Variants in HS6ST3 observed in about 807,000 individuals in gnomAD.
The protein encoded by HS6ST3 is heparan sulfate 6-O-sulfotransferase 3.
Under a neutral mutation model 36.7 loss-of-function variants are expected in HS6ST3, and 12 were observed. The ratio of observed to expected loss-of-function variants is 0.33; its 90% CI spans 0.21 to 0.53. HS6ST3 has a LOEUF of 0.53. Among genes scored for constraint, HS6ST3 ranks in the 20% least tolerant of loss-of-function variants. HS6ST3 has a pLI of 0.95. For missense variants in HS6ST3, 584 were observed against 640.9 expected, an observed-to-expected ratio of 0.91 and a Z score of 0.96; for synonymous variants, 240 against 257.5, an observed-to-expected ratio of 0.93 and a Z score of 0.65.
At chr13:96,339,204 A>G (rs1257688343) in intron 1 of HS6ST3, among the ~76,000 whole-genome samples, 3 of 152,246 alleles carry the variant, frequency 2.0e-5, no homozygotes, top group Non-Finnish European at 2.9e-5. Flanking sequence ...AATGACACAC[A>G]AGAACAATTA....
In HS6ST3 at chr13:96,767,568, A is replaced by G. The variant is rs552305467; in HGVS notation, c.708-64922A>G. Among the ~76,000 whole-genome samples the G allele has an allele frequency of 4.6e-5, 7 of 152,342 alleles. No homozygotes were observed. The South Asian group carries it at 6.2e-4, about 14-fold the overall frequency. ...TGTACACAGCTTCCATGGTAATTTC[A>G]TAAACTCTTGAATTGCAACCCTGAA... On this transcript the variant is annotated intron_variant, in intron 1 of 1. Transcript: ENST00000376705.
intron 1 of HS6ST3, among the ~76,000 whole-genome samples, chr13:96,693,183 CTGTTTTTAATAAAAA>C (rs1231622725): frequency 1.3e-4 from 20 of 152,256 alleles, no homozygotes; most frequent in Middle Eastern, 3.4e-3. Flanking sequence ...CCTGTTTCAC[CTGTTTTTAATAAAAA>C]CATAGAAACA....
intron 1 of HS6ST3, among the ~76,000 whole-genome samples, chr13:96,554,667 A>G (rs936039414): frequency 3.9e-5 from 6 of 151,998 alleles, no homozygotes; most frequent in Admixed American, 3.3e-4. Flanking sequence ...AGAAGCCCAC[A>G]CCTTCCTCCA....
intron 1 of HS6ST3, among the ~76,000 whole-genome samples, chr13:96,526,511 A>G (rs941208358): frequency 1.3e-5 from 2 of 152,188 alleles, no homozygotes; most frequent in African/African-American, 4.8e-5. Flanking sequence ...AGGAGGTATC[A>G]GTGAAGATTC....
chr13:96,362,535 T>G (rs892077512), intron 1 of HS6ST3, among the ~76,000 whole-genome samples: 1 of 152,180 alleles, frequency 6.6e-6, no homozygotes, highest in African/African-American at 2.4e-5. Flanking sequence ...AAATCAGGCT[T>G]CTTCTACTTT....
intron 1 of HS6ST3, among the ~76,000 whole-genome samples, chr13:96,277,968 C>G (rs1413842060): frequency 6.6e-6 from 1 of 152,120 alleles, no homozygotes; most frequent in Non-Finnish European, 1.5e-5. Context: ...AGTGCATGAG[C>G]TAATTCTGAC....
At chr13:96,652,291 T>C in intron 1 of HS6ST3, among the ~76,000 whole-genome samples, 1 of 152,018 alleles carries the variant, frequency 6.6e-6, no homozygotes, top group Non-Finnish European at 1.5e-5. Context: ...CACATATGAA[T>C]GTGTTTTTTA....
At chr13:96,795,893 G>T (rs755474569) in intron 1 of HS6ST3, among the ~76,000 whole-genome samples, 1 of 152,104 alleles carries the variant, frequency 6.6e-6, no homozygotes, top group African/African-American at 2.4e-5. Flanking sequence ...AGATGAAGCC[G>T]AGTGGCCCAG....
chr13:96,157,748 A>G (rs1373541322), intron 1 of HS6ST3, among the ~76,000 whole-genome samples: 4 of 152,252 alleles, frequency 2.6e-5, no homozygotes, highest in Non-Finnish European at 5.9e-5. Context: ...GTGGTTTTAC[A>G]TAATGAATGA....
At chr13:96,262,838 T>C (rs2054673146) in intron 1 of HS6ST3, among the ~76,000 whole-genome samples, 1 of 152,144 alleles carries the variant, frequency 6.6e-6, no homozygotes, top group African/African-American at 2.4e-5. Flanking sequence ...TTTTTTTATT[T>C]TGTGTGACTT....
In HS6ST3 at chr13:96,503,014, T is replaced by C. The variant is rs193249717; in HGVS notation, c.708-329476T>C. Among the ~76,000 whole-genome samples, 157 of 152,276 alleles carry C rather than the reference T, an allele frequency of 1.0e-3. No individual in the cohort carries two copies. In the Middle Eastern group the frequency reaches 0.014, roughly 13 times the overall value. ...ACTGGAGTGTAACTTCAATAAATCATACACAGCAGATTCACTGTCTATGCT... is the reference window on the plus strand; with the variant it reads ...ACTGGAGTGTAACTTCAATAAATCACACACAGCAGATTCACTGTCTATGCT... On this transcript the variant is annotated intron_variant, in intron 1 of 1. Transcript: ENST00000376705.
At chr13:96,245,636 A>G (rs1048173349) in intron 1 of HS6ST3, among the ~76,000 whole-genome samples, 1 of 152,144 alleles carries the variant, frequency 6.6e-6, no homozygotes, top group Admixed American at 6.5e-5. Flanking sequence ...GACTGCCTTT[A>G]GAGCCATTTC....
intron 1 of HS6ST3, among the ~76,000 whole-genome samples, chr13:96,813,497 T>G (rs1048564300): frequency 6.6e-6 from 1 of 152,206 alleles, no homozygotes; most frequent in Non-Finnish European, 1.5e-5. Flanking sequence ...CATGTATTTG[T>G]TACTCAGTGA....
intron 1 of HS6ST3, among the ~76,000 whole-genome samples, chr13:96,570,994 A>G (rs942337498): frequency 1.3e-5 from 2 of 152,162 alleles, no homozygotes; most frequent in Non-Finnish European, 2.9e-5. Flanking sequence ...GCCAGAAAAG[A>G]TTATTCATAG....
At chr13:96,429,553 C>G (rs567402430) in intron 1 of HS6ST3, among the ~76,000 whole-genome samples, 1 of 152,298 alleles carries the variant, frequency 6.6e-6, no homozygotes, top group East Asian at 1.9e-4. Flanking sequence ...CAGCTACTTT[C>G]TTCCCTGTAT....
intron 1 of HS6ST3, among the ~76,000 whole-genome samples, chr13:96,725,418 G>A (rs1172679085): frequency 6.6e-6 from 1 of 152,036 alleles, no homozygotes; most frequent in Non-Finnish European, 1.5e-5. Flanking sequence ...TGTAATTTTG[G>A]TGTCATATCT....
chr13:96,614,319 A>T (rs1031824994), intron 1 of HS6ST3, among the ~76,000 whole-genome samples: 90 of 148,826 alleles, frequency 6.0e-4, no homozygotes, highest in African/African-American at 7.1e-4. Context: ...AAAAAAAAAA[A>T]AAAAAAAAAC....
chr13:96,679,440 C>A (rs1024199493), intron 1 of HS6ST3, among the ~76,000 whole-genome samples: 2 of 152,024 alleles, frequency 1.3e-5, no homozygotes, highest in East Asian at 1.9e-4. Flanking sequence ...CAGCCCCCAG[C>A]AGCTGTACAT....
chr13:96,675,215 T>A (rs2056695221), intron 1 of HS6ST3, among the ~76,000 whole-genome samples: 1 of 152,126 alleles, frequency 6.6e-6, no homozygotes, highest in Admixed American at 6.6e-5. Context: ...ATAAATTTAA[T>A]TTTAAAATTT....
Sources: allele counts gnomAD v4.1 joint callset (sites outside exome capture counted in the v4.1 genomes callset), GRCh38; gene constraint gnomAD v4.1.1; transcripts MANE v1.5; gene names NCBI Gene and HGNC (gene_info 2026-07-23, HGNC 2026-07-21).